SLC7A6OS: variants seen among roughly 807,000 people sequenced by gnomAD.
The protein encoded by SLC7A6OS is solute carrier family 7 member 6 opposite strand.
Under a neutral mutation model 34.3 loss-of-function variants are expected in SLC7A6OS, and 22 were observed. That is an observed-to-expected ratio of 0.64 (90% CI 0.46 to 0.92). SLC7A6OS has a LOEUF of 0.92. SLC7A6OS is among the 40% of genes least tolerant of loss of function. SLC7A6OS has a pLI of 0.00. For missense variants in SLC7A6OS, 434 were observed against 407.7 expected (o/e 1.06, Z -0.56); for synonymous variants, 199 against 165.0 (o/e 1.21, Z -1.58).
At chr16:68,309,731 C>G (rs986150464) in intron 2 of SLC7A6OS, among the ~76,000 whole-genome samples, 5 of 152,134 alleles carry the variant, frequency 3.3e-5, no homozygotes, top group African/African-American at 1.2e-4. Context: ...ATCAATTTTC[C>G]TACCTGCTCT....
intron 3 of SLC7A6OS, 81 bp downstream of exon 3, chr16:68,303,945 G>A (rs755124077): frequency 1.6e-6 from 2 of 1,278,402 alleles, no homozygotes; most frequent in Non-Finnish European, 2.2e-6. Flanking sequence ...GTTCGGGAGT[G>A]GAGCCCAGGG....
chr16:68,308,338 C>T (rs896815400), intron 2 of SLC7A6OS, among the ~76,000 whole-genome samples: 1 of 152,148 alleles, frequency 6.6e-6, no homozygotes, highest in Non-Finnish European at 1.5e-5. Flanking sequence ...TCCACTTACA[C>T]TAGCACCAGC....
Position 68,301,262 on chromosome 16 carries a change from C to T in SLC7A6OS, c.*13G>A. The stretch of plus-strand genomic sequence containing the variant: ...AGGGCATGTGGCAGAACCTCATGGA[C>T]ATCACAAGACCATCAGTCTGAATCC... On this transcript the variant is annotated 3_prime_UTR_variant, in exon 5 of 5. Coordinates refer to ENST00000263997, the MANE Select transcript of SLC7A6OS (RefSeq NM_032178.3). 1 of 1,613,206 alleles carries T rather than the reference C, an allele frequency of 6.2e-7. No homozygotes were observed. The highest frequency in any genetic ancestry group is 8.5e-7 in the Non-Finnish European group (1 of 1,179,416).
chr16:68,303,453 C>T (rs910186457), intron 3 of SLC7A6OS, among the ~76,000 whole-genome samples: 1 of 150,678 alleles, frequency 6.6e-6, no homozygotes, highest in African/African-American at 2.4e-5. Flanking sequence ...ATGGTGCATG[C>T]CTGTACTCCT....
In SLC7A6OS at chr16:68,300,948, G is replaced by A. The variant is rs749329342; in HGVS notation, c.*327C>T. On this transcript the variant is annotated 3_prime_UTR_variant, in exon 5 of 5. Coordinates refer to ENST00000263997, the MANE Select transcript of SLC7A6OS (RefSeq NM_032178.3). ...AATGGGAACCTCCCCCTCCCTTGTG[G>A]TTTCAGCACAGAACCTGAATGCCAG... 4.8e-5 allele frequency: 49 copies of A among 1,013,948 alleles called. No individual in the cohort carries two copies. The highest frequency in any genetic ancestry group is 5.7e-5 in the Non-Finnish European group (48 of 848,942). The allele number at this position is 1,013,948 out of a possible 1,614,324, so 62.8% of individuals were successfully genotyped here.
At position 68,300,656 on chromosome 16, in the gene SLC7A6OS, A is replaced by G; in HGVS notation, c.*619T>C. 2.0e-6 allele frequency: 2 copies of G among 985,440 alleles called. No homozygotes were observed. The highest frequency in any genetic ancestry group is 1.2e-6 in the Non-Finnish European group (1 of 829,926). The allele number at this position is 985,440 out of a possible 1,614,324, so 61.0% of individuals were successfully genotyped here. A position where few individuals can be genotyped will look rare whatever the true frequency, so the allele number is the denominator to read the frequency against. ...AGATTTTACTAAACACATGTATCAC[A>G]TTCATATATATTGTTTCTTGGCCCC... On this transcript the variant is annotated 3_prime_UTR_variant, in exon 5 of 5. Coordinates refer to ENST00000263997, the MANE Select transcript of SLC7A6OS (RefSeq NM_032178.3).
Position 68,298,061 on chromosome 16 carries a change from T to C in SLC7A6OS, c.*3214A>G, listed in dbSNP as rs959733510. 1 of 152,678 alleles carries C rather than the reference T, an allele frequency of 6.5e-6. No individual in the cohort carries two copies. The highest frequency in any genetic ancestry group is 1.9e-4 in the East Asian group (1 of 5,206). 9.5% of individuals were successfully genotyped at this position (152,678 alleles called of 1,614,324 possible). A position where few individuals can be genotyped will look rare whatever the true frequency, so the allele number is the denominator to read the frequency against. On this transcript the variant is annotated 3_prime_UTR_variant, in exon 5 of 5. Transcript: ENST00000263997. ...AACCTTAAAGATTTTTTTACTCACG[T>C]ACCTGTTACACTTTAGCATACAGAT... is the stretch of plus-strand genomic sequence containing the variant.
rs202170729 is a variant in SLC7A6OS at position 68,304,034 on chromosome 16, A to G, written c.670T>C (p.Trp224Arg). 11 of 1,613,374 alleles carry G rather than the reference A, an allele frequency of 6.8e-6. No individual in the cohort carries two copies. The East Asian group carries it at 2.5e-4, about 36-fold the overall frequency. ...ILSVQPYSQE[W>R]ELVNDDQEPE... is the part of the protein sequence containing the mutation. ...CTCATGGGCCCCCTTACCAGCTCCCATTCTTGGCTGTAGGGCTGCACGGAG... is the reference window on the plus strand; with the variant it reads ...CTCATGGGCCCCCTTACCAGCTCCCGTTCTTGGCTGTAGGGCTGCACGGAG... The change falls in exon 3 of 5, where the codon TGG (tryptophan) becomes CGG (arginine). Residue 224 changes from tryptophan (W) to arginine (R), a missense_variant. Trp to Arg is a moderately radical substitution (Grantham distance 101, BLOSUM62 -3). Transcript: ENST00000263997.
chr16:68,306,535 C>T (rs535287546), intron 2 of SLC7A6OS, among the ~76,000 whole-genome samples: 3 of 151,998 alleles, frequency 2.0e-5, no homozygotes, highest in Admixed American at 6.6e-5. Context: ...CTTAAAGAGG[C>T]GGTTTTCATT....
intron 2 of SLC7A6OS, among the ~76,000 whole-genome samples, chr16:68,306,828 ATTC>A (rs2043330854): frequency 3.8e-5 from 1 of 26,168 alleles, no homozygotes; most frequent in African/African-American, 1.3e-4. Flanking sequence ...ATGTGTATTC[ATTC>A]ATTCATTCAT....
intron 2 of SLC7A6OS, among the ~76,000 whole-genome samples, chr16:68,307,276 A>G (rs2043334334): frequency 6.6e-6 from 1 of 152,226 alleles, no homozygotes; most frequent in South Asian, 2.1e-4. Context: ...ATTTGACATA[A>G]TTACTTAGTC....
chr16:68,309,926 G>C, intron 2 of SLC7A6OS, among the ~76,000 whole-genome samples: 1 of 152,198 alleles, frequency 6.6e-6, no homozygotes, highest in East Asian at 1.9e-4. Context: ...TCTCTGCCTA[G>C]AAGTCCTCTC....
rs1206969851 is a variant in SLC7A6OS at position 68,304,033 on chromosome 16, C to G, written c.671G>C (p.Trp224Ser). Reference sequence around the variant, plus strand: ...GCTCATGGGCCCCCTTACCAGCTCCCATTCTTGGCTGTAGGGCTGCACGGA... The same window carrying G: ...GCTCATGGGCCCCCTTACCAGCTCCGATTCTTGGCTGTAGGGCTGCACGGA... The part of the protein sequence containing the change: ...ILSVQPYSQE[W>S]ELVNDDQEPE... The change falls in exon 3 of 5, where the codon TGG (tryptophan) becomes TCG (serine). Residue 224 changes from tryptophan to serine, a missense_variant. Coordinates refer to ENST00000263997, the MANE Select transcript of SLC7A6OS (RefSeq NM_032178.3). 2.5e-6 allele frequency: 4 copies of G among 1,613,230 alleles called. No individual in the cohort carries two copies.
Position 68,302,403 on chromosome 16 carries a change from A to G in SLC7A6OS, c.777T>C (p.Ser259=). 1 of 1,614,104 alleles carries G rather than the reference A, an allele frequency of 6.2e-7. No homozygotes were observed. Among genetic ancestry groups the G allele is most frequent in the Non-Finnish European group, 8.5e-7 (1 of 1,180,008 alleles). ...CACCTCTGGAATCCTCATCTCCATCACTGCTCTCCTCCTCTGGGTACTCAT... is the reference window on the plus strand; with the variant it reads ...CACCTCTGGAATCCTCATCTCCATCGCTGCTCTCCTCCTCTGGGTACTCAT... The part of the protein sequence containing the change: ...WRNEYPEEES[S]DGDEDSRGSA... Residue 259 remains serine, a synonymous_variant, in exon 4 of 5, where the codon AGT becomes AGC. Coordinates refer to ENST00000263997, the MANE Select transcript of SLC7A6OS (RefSeq NM_032178.3).
In SLC7A6OS at chr16:68,302,505, C is replaced by T. The variant is rs745446270; in HGVS notation, c.679-4G>A. On this transcript the variant is annotated splice_polypyrimidine_tract_variant and splice_region_variant and intron_variant, in intron 3 of 4. Coordinates refer to ENST00000263997, the MANE Select transcript of SLC7A6OS (RefSeq NM_032178.3). The stretch of plus-strand genomic sequence containing the variant: ...CTGGTTCTTGATCATCATTCACCTA[C>T]ACATCTCAACACAAACATGAGTCCA... 7 of 1,614,044 alleles carry T rather than the reference C, an allele frequency of 4.3e-6. No individual in the cohort carries two copies. Among genetic ancestry groups the T allele is most frequent in the Middle Eastern group, 1.6e-4 (1 of 6,084 alleles).
intron 2 of SLC7A6OS, among the ~76,000 whole-genome samples, chr16:68,309,072 AGG>A (rs1191762021): frequency 2.7e-5 from 4 of 148,848 alleles, no homozygotes; most frequent in Admixed American, 6.7e-5. Flanking sequence ...AAAAAAAGAG[AGG>A]GCACACTTTA....
chr16:68,300,722 C>G lies in SLC7A6OS; in HGVS notation c.*553G>C. 1.0e-6 allele frequency: 1 copy of G among 985,502 alleles called. No homozygotes were observed. Among genetic ancestry groups the G allele is most frequent in the South Asian group, 4.7e-5 (1 of 21,286 alleles). 61.0% of individuals were successfully genotyped at this position (985,502 alleles called of 1,614,324 possible). On this transcript the variant is annotated 3_prime_UTR_variant, in exon 5 of 5. Coordinates refer to ENST00000263997, the MANE Select transcript of SLC7A6OS (RefSeq NM_032178.3). The stretch of plus-strand genomic sequence containing the variant: ...CAGTCAGTAATTTCACAACCGTTAT[C>G]AGAGTTTGGAAGCAGAAATAGCTGT...
Position 68,310,718 on chromosome 16 carries a change from T to A in SLC7A6OS, c.192+17A>T, listed in dbSNP as rs1164967739. The A allele has an allele frequency of 1.3e-6, 2 of 1,595,018 alleles. No individual in the cohort carries two copies. The highest frequency in any genetic ancestry group is 3.4e-5 in the Admixed American group (2 of 59,190). On this transcript the variant is annotated intron_variant, in intron 1 of 4. Coordinates refer to ENST00000263997, the MANE Select transcript of SLC7A6OS (RefSeq NM_032178.3). ...ACCCGAAGATGCCCTCCACACCAGC[T>A]GCACCACGCCCAATACCTGGGAGCA...
intron 2 of SLC7A6OS, among the ~76,000 whole-genome samples, 192 bp from the exon 3 acceptor site, chr16:68,304,424 G>A (rs1279856544): frequency 2.6e-5 from 4 of 152,084 alleles, no homozygotes; most frequent in African/African-American, 9.7e-5. Flanking sequence ...AGGTTCAAGC[G>A]TTTCTCCTAC....
Sources: gnomAD v4.1 joint callset for allele counts (sites outside exome capture counted in the v4.1 genomes callset) on GRCh38, gnomAD v4.1.1 for gene constraint, MANE v1.5 for transcripts, NCBI Gene and HGNC (gene_info 2026-07-23, HGNC 2026-07-21) for gene names.